Variants in INSR observed in about 807,000 individuals in gnomAD.
INSR encodes the protein insulin receptor, also known as IR.
A neutral mutation model predicts 142.6 loss-of-function variants in INSR; 67 were observed. The observed-to-expected ratio is 0.47, with a 90% CI of 0.39 to 0.58. The LOEUF (loss-of-function observed/expected upper bound fraction) is 0.58, where lower values mean the gene tolerates loss of function less well. Among genes scored for constraint, INSR ranks in the 20% least tolerant of loss-of-function variants. The probability of loss-of-function intolerance (pLI) is 0.00; values close to 1 mark genes in which losing one functional copy is unlikely to be tolerated. For synonymous variants in INSR, 756 were observed against 743.1 expected (o/e 1.02, Z -0.28); for missense variants, 1,248 against 1,833.2 (o/e 0.68, Z 5.83).
In INSR at chr19:7,166,463, G is replaced by A. The variant is rs894585340; in HGVS notation, c.1611-59C>T. 62 of 1,584,046 alleles carry A rather than the reference G, an allele frequency of 3.9e-5. No homozygotes were observed. The highest frequency in any genetic ancestry group is 4.7e-5 in the Non-Finnish European group (55 of 1,162,234). On this transcript the variant is annotated intron_variant, in intron 7 of 21. Coordinates refer to ENST00000302850, the MANE Select transcript of INSR (RefSeq NM_000208.4). The surrounding 1 kb of genome is among the most constrained non-coding windows in gnomAD (Gnocchi z 4.1). ...TTACAAGACCGTCACACTGAGTGCC[G>A]TGCAGATGAGGCCTGGGAAGTTACA... is the stretch of plus-strand genomic sequence containing the variant.
At chr19:7,270,755 C>T (rs1239104838) in intron 1 of INSR, among the ~76,000 whole-genome samples, 1 of 151,048 alleles carries the variant, frequency 6.6e-6, no homozygotes, top group Non-Finnish European at 1.5e-5. Context: ...GAGACCTCGT[C>T]TCGATTAAAA....
chr19:7,217,439 C>T (rs368644787), intron 2 of INSR, among the ~76,000 whole-genome samples: 53 of 152,264 alleles, frequency 3.5e-4, no homozygotes, highest in Non-Finnish European at 5.9e-4. Flanking sequence ...ACAGGGATTA[C>T]GATGTGGGCA....
At chr19:7,184,661 G>GAGAGAGA (rs199750451) in intron 2 of INSR, 24 bp from the exon 3 acceptor site, 304 of 1,294,146 alleles carry the variant, frequency 2.3e-4, no homozygotes, top group African/African-American at 2.3e-3. Context: ...GAGAGAGAGA[G>GAGAGAGA]GGAAATAAAT....
At chr19:7,237,803 G>A (rs1046916785) in intron 2 of INSR, among the ~76,000 whole-genome samples, 1 of 151,702 alleles carries the variant, frequency 6.6e-6, no homozygotes, top group African/African-American at 2.4e-5. Context: ...GTGACAGAGC[G>A]AGACTCCATC....
At chr19:7,284,722 G>C (rs535471118) in intron 1 of INSR, among the ~76,000 whole-genome samples, 6 of 152,186 alleles carry the variant, frequency 3.9e-5, no homozygotes, top group African/African-American at 1.4e-4. Context: ...TAGAGACAGG[G>C]TTTCACCATG....
intron 8 of INSR, among the ~76,000 whole-genome samples, chr19:7,164,484 GAGC>G (rs964035028): frequency 1.3e-5 from 2 of 150,932 alleles, no homozygotes; most frequent in Admixed American, 6.6e-5. Context: ...AGGAGTTCCA[GAGC>G]AGCCTGGCCA....
rs771454409 is a variant in INSR at position 7,264,261 on chromosome 19, AGG to A, written c.652+3082_652+3083del. Among the ~76,000 whole-genome samples the A allele has an allele frequency of 2.2e-3, 327 of 152,050 alleles. 2 individuals carry two copies. The highest frequency in any genetic ancestry group is 4.1e-3 in the Non-Finnish European group (280 of 67,990). On this transcript the variant is annotated intron_variant, in intron 2 of 21. Transcript: ENST00000302850. ...GGCAGGAAAATTGCTTGAACCTAGG[AGG>A]TGGAGGTTGCAGTGAGCCGAGATTG...
chr19:7,171,977 T>A (rs1276668472), intron 5 of INSR, among the ~76,000 whole-genome samples: 2 of 150,970 alleles, frequency 1.3e-5, no homozygotes, highest in Non-Finnish European at 2.9e-5. Flanking sequence ...AGTAGTGTGA[T>A]CTTGGCTCAC....
At chr19:7,238,114 T>C (rs368625815) in intron 2 of INSR, among the ~76,000 whole-genome samples, 7 of 152,136 alleles carry the variant, frequency 4.6e-5, no homozygotes, top group African/African-American at 1.7e-4. Context: ...TGAAATCATT[T>C]GAAGAGACCA....
rs1417628249 is a variant in INSR at position 7,168,537 on chromosome 19, T to C, written c.1484-443A>G. Among the ~76,000 whole-genome samples, 4 of 152,150 alleles carry C rather than the reference T, an allele frequency of 2.6e-5. No individual in the cohort carries two copies. Among genetic ancestry groups the C allele is most frequent in the African/African-American group, 9.7e-5 (4 of 41,432 alleles). ...TGAGTTTAGAGACCCTGCAGATCAT[T>C]AGACATCGGAGAGACGCATCTAAGT... On this transcript the variant is annotated intron_variant, in intron 6 of 21. Transcript: ENST00000302850. The surrounding 1 kb of genome is among the most constrained non-coding windows in gnomAD (Gnocchi z 4.3).
At chr19:7,244,365 T>C (rs918768880) in intron 2 of INSR, among the ~76,000 whole-genome samples, 1 of 152,008 alleles carries the variant, frequency 6.6e-6, no homozygotes, top group Non-Finnish European at 1.5e-5. Context: ...AAACCCCGTC[T>C]CTACTAAAAA....
intron 2 of INSR, among the ~76,000 whole-genome samples, chr19:7,252,337 A>AGGT: frequency 6.6e-6 from 1 of 151,934 alleles, no homozygotes; most frequent in Non-Finnish European, 1.5e-5. Flanking sequence ...GCTTGAATCC[A>AGGT]GGAGGTTGCA....
At chr19:7,197,499 T>C in intron 2 of INSR, among the ~76,000 whole-genome samples, 1 of 108,776 alleles carries the variant, frequency 9.2e-6, no homozygotes, top group Non-Finnish European at 2.0e-5. Flanking sequence ...ATTGGCAGGT[T>C]CCAGAGTGGG....
chr19:7,121,870 C>T (rs1972499890), intron 19 of INSR, among the ~76,000 whole-genome samples: 1 of 152,236 alleles, frequency 6.6e-6, no homozygotes, highest in East Asian at 1.9e-4. Context: ...CAGCCAGGCA[C>T]AGTGGCTCAT....
chr19:7,250,419 A>G (rs1976679355), intron 2 of INSR, among the ~76,000 whole-genome samples: 2 of 142,554 alleles, frequency 1.4e-5, no homozygotes, highest in South Asian at 2.3e-4. Flanking sequence ...AATAAAAAGA[A>G]AGCAAGGAAG....
chr19:7,255,014 C>T (rs1386313229), intron 2 of INSR, among the ~76,000 whole-genome samples: 1 of 151,304 alleles, frequency 6.6e-6, no homozygotes, highest in Non-Finnish European at 1.5e-5. Flanking sequence ...CCTCCCCCGG[C>T]CCCCCTCCCC....
At chr19:7,120,813 G>T in intron 19 of INSR, 64 bp from the exon 20 acceptor site, 1 of 1,595,644 alleles carries the variant, frequency 6.3e-7, no homozygotes, top group African/African-American at 1.3e-5. Context: ...CTGCCACCTT[G>T]ACTGCCCCAC....
chr19:7,210,340 C>CAAAAAAA (rs11342133), intron 2 of INSR, among the ~76,000 whole-genome samples: 1 of 109,814 alleles, frequency 9.1e-6, no homozygotes. Flanking sequence ...GACTCTGTCT[C>CAAAAAAA]AAAAAAAAAA....
chr19:7,160,687 T>TA (rs1016944637), intron 9 of INSR, among the ~76,000 whole-genome samples: 1 of 151,206 alleles, frequency 6.6e-6, no homozygotes, highest in Admixed American at 6.6e-5. Context: ...TGGTGGGTTC[T>TA]AAAAAAACCC....
Sources: gnomAD v4.1 joint callset for allele counts (sites outside exome capture counted in the v4.1 genomes callset) on GRCh38, gnomAD v4.1.1 for gene constraint, Gnocchi (gnomAD v3.1) non-coding constraint, MANE v1.5 for transcripts, NCBI Gene and HGNC (gene_info 2026-07-23, HGNC 2026-07-21) for gene names.